ROS1: variants seen among roughly 807,000 people sequenced by gnomAD.
The protein encoded by ROS1 is proto-oncogene tyrosine-protein kinase ROS.
ROS1 carries 263 observed loss-of-function variants against 273.5 expected under a neutral mutation model. The ratio of observed to expected loss-of-function variants is 0.96; its 90% CI spans 0.87 to 1.06. The LOEUF (loss-of-function observed/expected upper bound fraction) is 1.06. Among genes scored for constraint, ROS1 ranks in the 50% least tolerant of loss-of-function variants. ROS1 has a pLI of 0.00. For synonymous variants in ROS1, 1,008 were observed against 954.1 expected (o/e 1.06, Z -1.04); for missense variants, 2,833 against 2,751.1 (o/e 1.03, Z -0.67).
intron 29 of ROS1, among the ~76,000 whole-genome samples, chr6:117,342,021 C>T (rs1473342554): frequency 6.6e-6 from 1 of 152,138 alleles, no homozygotes; most frequent in African/African-American, 2.4e-5. Flanking sequence ...CATAACTTTA[C>T]AGCTCAGGCC....
chr6:117,350,836 C>CT (rs763132023), intron 27 of ROS1, among the ~76,000 whole-genome samples: 26 of 151,898 alleles, frequency 1.7e-4, no homozygotes, highest in Non-Finnish European at 2.8e-4. Flanking sequence ...TCTAACATTT[C>CT]TTTTTTTTCC....
intron 39 of ROS1, among the ~76,000 whole-genome samples, chr6:117,313,024 C>G (rs1235872555): frequency 6.6e-6 from 1 of 152,072 alleles, no homozygotes; most frequent in Non-Finnish European, 1.5e-5. Context: ...AATGAGTCCA[C>G]CTACTTCCTA....
chr6:117,416,507 A>G (rs543217541), intron 2 of ROS1, among the ~76,000 whole-genome samples, 190 bp from the exon 3 acceptor site: 1 of 152,224 alleles, frequency 6.6e-6, no homozygotes, highest in African/African-American at 2.4e-5. Context: ...ATCTACAGGT[A>G]GAACAAGTCT....
intron 18 of ROS1, among the ~76,000 whole-genome samples, chr6:117,371,721 A>G (rs982416879): frequency 6.6e-6 from 1 of 152,306 alleles, no homozygotes; most frequent in South Asian, 2.1e-4. Flanking sequence ...CACTGGCTGC[A>G]TGGGAGACAT....
Position 117,287,519 on chromosome 6 carries a change from G to C in ROS1, c.*973C>G, listed in dbSNP as rs190969597. 1.8e-4 allele frequency among the ~76,000 whole-genome samples: 28 copies of C among 152,202 alleles called. 2 individuals are homozygous for C. The highest frequency in any genetic ancestry group is 1.7e-3 in the East Asian group (9 of 5,176). ...TGATTTTATACAACTGAAGATTACA[G>C]AATGCAAAACTTCAGGACTTAAAAG... On this transcript the variant is annotated 3_prime_UTR_variant, in exon 44 of 44. Transcript: ENST00000368507.
chr6:117,337,050 T>C lies in ROS1; in HGVS notation c.5230+122A>G, dbSNP rs551568718. The C allele has an allele frequency of 1.0e-5, 8 of 786,310 alleles. No homozygotes were observed. In the East Asian group the frequency reaches 1.8e-4, roughly 17 times the overall value. 48.7% of individuals were successfully genotyped at this position (786,310 alleles called of 1,614,324 possible). ...TTTCTGAATTTCTTCATTCAAGTTC[T>C]AGAAATAATAATGTACTGCTTTTAA... On this transcript the variant is annotated intron_variant, in intron 32 of 43. Transcript: ENST00000368507.
rs757981971 is a variant in ROS1, at chr6:117,403,163, T to C, written c.580A>G (p.Ser194Gly). Residue 194 changes from serine to glycine, a missense_variant, in exon 7 of 44, where the codon AGT becomes GGT. Transcript: ENST00000368507. Reference sequence around the variant, plus strand: ...CCTCCATGAGGATGAGTCCTGTAACTGGGACTTGGAGGGGAGTAGAGCTGC... The same window carrying C: ...CCTCCATGAGGATGAGTCCTGTAACCGGGACTTGGAGGGGAGTAGAGCTGC... ...QLQLYSPPSP[S>G]YRTHPHGVPE... The C allele has an allele frequency of 6.2e-7, 1 of 1,613,732 alleles. No individual in the cohort carries two copies. The highest frequency in any genetic ancestry group is 1.1e-5 in the South Asian group (1 of 90,936).
In ROS1 at chr6:117,287,432, A is replaced by C. The variant is rs1055911162; in HGVS notation, c.*1060T>G. Among the ~76,000 whole-genome samples, 6 of 152,214 alleles carry C rather than the reference A, an allele frequency of 3.9e-5. No homozygotes were observed. Among genetic ancestry groups the C allele is most frequent in the Non-Finnish European group, 8.8e-5 (6 of 68,038 alleles). The stretch of plus-strand genomic sequence containing the variant: ...TAATCTTAAGTATTTTATACATAAA[A>C]TAGATATGGCAAATAGCAATCTTTA... On this transcript the variant is annotated 3_prime_UTR_variant, in exon 44 of 44. Transcript: ENST00000368507.
At chr6:117,311,184 T>G in intron 39 of ROS1, 67 bp from the exon 40 acceptor site, 1 of 841,460 alleles carries the variant, frequency 1.2e-6, no homozygotes, top group Non-Finnish European at 1.9e-6. Context: ...CATATATGTG[T>G]GAATATAAGT....
chr6:117,375,950 A>G (rs976970205), intron 18 of ROS1, among the ~76,000 whole-genome samples: 4 of 152,108 alleles, frequency 2.6e-5, no homozygotes, highest in African/African-American at 9.6e-5. Flanking sequence ...CAGTGAGTGG[A>G]ATGATACAAA....
chr6:117,423,123 G>T (rs1365033924), intron 1 of ROS1, among the ~76,000 whole-genome samples: 1 of 152,090 alleles, frequency 6.6e-6, no homozygotes, highest in Admixed American at 6.6e-5. Context: ...GAATGCAAAG[G>T]CATAAAAATG....
At chr6:117,328,980 T>A (rs1776852329) in intron 33 of ROS1, among the ~76,000 whole-genome samples, 1 of 152,248 alleles carries the variant, frequency 6.6e-6, no homozygotes, top group Admixed American at 6.5e-5. Context: ...CAAATTATCA[T>A]CAGGAATTTA....
chr6:117,418,610 C>T, intron 1 of ROS1, 104 bp from the exon 2 acceptor site: 1 of 714,598 alleles, frequency 1.4e-6, no homozygotes. Flanking sequence ...GCCTCCTCCG[C>T]ATTTTGTAAC....
At chr6:117,341,372 TAA>T (rs1777905225) in intron 30 of ROS1, 26 bp downstream of exon 30, 1 of 1,611,896 alleles carries the variant, frequency 6.2e-7, no homozygotes, top group African/African-American at 1.3e-5. Flanking sequence ...AGAATGACAA[TAA>T]AGAGTGCCTA....
chr6:117,371,338 G>C (rs1780752972), intron 18 of ROS1, among the ~76,000 whole-genome samples: 1 of 152,122 alleles, frequency 6.6e-6, no homozygotes, highest in Non-Finnish European at 1.5e-5. Flanking sequence ...CATGGGAGAA[G>C]GATTTGACCT....
Position 117,375,947 on chromosome 6 carries a change from T to A in ROS1, c.2582+3112A>T, listed in dbSNP as rs548207651. Among the ~76,000 whole-genome samples, 31 of 151,988 alleles carry A rather than the reference T, an allele frequency of 2.0e-4. No individual in the cohort carries two copies. The South Asian group carries it at 6.0e-3, about 30-fold the overall frequency. On this transcript the variant is annotated intron_variant, in intron 18 of 43. Coordinates refer to ENST00000368507, the MANE Select transcript of ROS1 (RefSeq NM_001378902.1). ...ACTCATAGTTTTAAATGCCAGTGAG[T>A]GGAATGATACAAAAACAATGACCTT...
chr6:117,320,468 T>C (rs1482183803), intron 36 of ROS1, among the ~76,000 whole-genome samples: 1 of 152,116 alleles, frequency 6.6e-6, no homozygotes, highest in African/African-American at 2.4e-5. Context: ...AAATTTACTA[T>C]GACCAAAAAA....
At chr6:117,386,816 A>C in intron 15 of ROS1, 73 bp downstream of exon 15, 1 of 725,924 alleles carries the variant, frequency 1.4e-6, no homozygotes, top group East Asian at 2.5e-5. Flanking sequence ...TATTCTTTTG[A>C]TTCATTGAAT....
Position 117,387,854 on chromosome 6 carries a change from A to T in ROS1, c.1925T>A (p.Val642Asp). The T allele has an allele frequency of 6.2e-7, 1 of 1,614,066 alleles. No homozygotes were observed. Among genetic ancestry groups the T allele is most frequent in the East Asian group, 2.2e-5 (1 of 44,870 alleles). The change falls in exon 14 of 44, where the codon GTT (valine) becomes GAT (aspartate). Residue 642 changes from valine (V) to aspartate (D), a missense_variant. By Grantham distance (152) the Val-to-Asp change is radical. Transcript: ENST00000368507. ...PELQSAMKYKVSVRASSPKRP... is the reference protein window; with the variant it reads ...PELQSAMKYKDSVRASSPKRP... ...CTTTGGAGAACTTGCTCTCACAGAA[A>T]CCTTGTATTTCATAGCACTCTGCAG...
Sources: gnomAD v4.1 joint callset for allele counts (sites outside exome capture counted in the v4.1 genomes callset) on GRCh38, gnomAD v4.1.1 for gene constraint, MANE v1.5 for transcripts, NCBI Gene and HGNC (gene_info 2026-07-23, HGNC 2026-07-21) for gene names.